Variants in XG observed in about 807,000 individuals in gnomAD.
The protein encoded by XG is glycoprotein Xg.
XG carries 24 observed loss-of-function variants against 25.7 expected under a neutral mutation model. That is an observed-to-expected ratio of 0.93 (90% CI 0.68 to 1.31). The LOEUF (loss-of-function observed/expected upper bound fraction) is 1.31. Among genes scored for constraint, XG ranks in the 40% most tolerant of loss-of-function variants. The pLI, the probability that XG is intolerant of heterozygous loss-of-function variation, is 0.00. For missense variants in XG, 181 were observed against 187.6 expected (o/e 0.96, Z 0.21); for synonymous variants, 77 against 69.2 (o/e 1.11, Z -0.56).
intron 1 of XG, among the ~76,000 whole-genome samples, chrX:2,757,836 G>GT (rs2050467735): frequency 6.6e-6 from 1 of 151,374 alleles, no homozygotes; most frequent in East Asian, 1.9e-4. Flanking sequence ...GCCAGGCATG[G>GT]TGGGGGGTGT....
chrX:2,752,815 C>A (rs2050362708), intron 1 of XG: 2 of 590,994 alleles, frequency 3.4e-6, no homozygotes, highest in African/African-American at 2.0e-5. Flanking sequence ...ATTTTTAAAT[C>A]TTTTCCTAAA....
At chrX:2,800,398 A>G (rs1275156687) in intron 7 of XG, among the ~76,000 whole-genome samples, 1 of 112,227 alleles carries the variant, frequency 8.9e-6, no homozygotes, top group African/African-American at 3.2e-5. Flanking sequence ...ACAGATGCCA[A>G]TTTCCCCACC....
intron 10 of XG, among the ~76,000 whole-genome samples, chrX:2,812,289 C>G (rs1261368559): frequency 8.9e-6 from 1 of 111,746 alleles, no homozygotes; most frequent in East Asian, 2.8e-4. Flanking sequence ...GCCGGCTCCA[C>G]ACTCCTGGGT....
intron 5 of XG, among the ~76,000 whole-genome samples, chrX:2,790,465 A>C (rs1190675458): frequency 1.0e-5 from 1 of 98,954 alleles, no homozygotes; most frequent in Admixed American, 1.2e-4. Context: ...ACGCCACAGC[A>C]CTCCAGCCTG....
At chrX:2,753,421 T>C (rs1427033369) in intron 1 of XG, among the ~76,000 whole-genome samples, 2 of 152,178 alleles carry the variant, frequency 1.3e-5, no homozygotes, top group African/African-American at 4.8e-5. Context: ...CCATATCCCC[T>C]TGGGCAAATC....
chrX:2,774,009 C>T (rs1049910579), intron 2 of XG, among the ~76,000 whole-genome samples: 1 of 149,546 alleles, frequency 6.7e-6, no homozygotes, highest in African/African-American at 2.5e-5. Flanking sequence ...ATGTCCGCAC[C>T]ACACACAAAC....
chrX:2,772,343 A>T (rs1364596436), intron 2 of XG, among the ~76,000 whole-genome samples: 1 of 152,204 alleles, frequency 6.6e-6, no homozygotes, highest in Non-Finnish European at 1.5e-5. Context: ...TGAATGAATG[A>T]ACAGAATGTG....
chrX:2,791,938 G>A (rs2086840981), intron 5 of XG, among the ~76,000 whole-genome samples: 1 of 110,517 alleles, frequency 9.0e-6, no homozygotes, highest in African/African-American at 3.3e-5. Context: ...CATAGCATTC[G>A]TCCACCAAGA....
intron 1 of XG, among the ~76,000 whole-genome samples, chrX:2,755,985 CAT>C (rs1263533990): frequency 6.6e-6 from 1 of 152,184 alleles, no homozygotes; most frequent in African/African-American, 2.4e-5. Context: ...CACCATGGCA[CAT>C]GTTTACCTAT....
At chrX:2,752,738 G>T (rs944433283) in intron 1 of XG, among the ~76,000 whole-genome samples, 1 of 152,194 alleles carries the variant, frequency 6.6e-6, no homozygotes, top group Admixed American at 6.5e-5. Flanking sequence ...AAGTAGAGTT[G>T]AAACTACTTC....
chrX:2,766,180 T>C (rs757085702), intron 1 of XG, among the ~76,000 whole-genome samples: 2 of 152,280 alleles, frequency 1.3e-5, no homozygotes, highest in East Asian at 3.9e-4. Context: ...CTCACTCTGT[T>C]GCCAGGCTGG....
intron 1 of XG, among the ~76,000 whole-genome samples, chrX:2,757,831 G>C (rs1180568271): frequency 1.3e-5 from 2 of 151,422 alleles, no homozygotes; most frequent in Non-Finnish European, 2.9e-5. Flanking sequence ...AATTAGCCAG[G>C]CATGGTGGGG....
At position 2,801,841 on chromosome X, in the gene XG, T is replaced by TG. The variant is rs977074981; in HGVS notation, c.373+4484dup. Among the ~76,000 whole-genome samples the TG allele has an allele frequency of 2.5e-3, 280 of 111,170 alleles. 3 individuals carry two copies. Among genetic ancestry groups the TG allele is most frequent in the African/African-American group, 8.7e-3 (266 of 30,473 alleles). On this transcript the variant is annotated intron_variant, in intron 7 of 10. Coordinates refer to ENST00000644266, the MANE Select transcript of XG (RefSeq NM_001141919.2). ...CTCCTGCCTCAGCCTCCCGAGTAGC[T>TG]GGGACTACAGGCGCCCGCCACCACG...
chrX:2,808,078 A>G (rs750396724), intron 8 of XG, 107 bp from the exon 9 acceptor site: 533 of 881,066 alleles, frequency 6.0e-4, no homozygotes, highest in South Asian at 7.2e-4. Flanking sequence ...CCCTGAAAAC[A>G]GGGATCTGTG....
At chrX:2,765,041 C>CAAAAA (rs1219282861) in intron 1 of XG, among the ~76,000 whole-genome samples, 8 of 36,606 alleles carry the variant, frequency 2.2e-4, no homozygotes, top group African/African-American at 8.5e-4. Flanking sequence ...ATTCTTTATC[C>CAAAAA]AAAAAAAAAA....
intron 7 of XG, among the ~76,000 whole-genome samples, chrX:2,801,102 C>T (rs1226049668): frequency 9.0e-6 from 1 of 110,823 alleles, no homozygotes; most frequent in Non-Finnish European, 1.9e-5. Flanking sequence ...TACCTACTAC[C>T]TAGGTAGACC....
intron 3 of XG, among the ~76,000 whole-genome samples, chrX:2,776,818 G>T (rs1309057069): frequency 6.6e-6 from 1 of 151,970 alleles, no homozygotes; most frequent in Non-Finnish European, 1.5e-5. Flanking sequence ...CTGCACTCCA[G>T]CCTGGGCGAC....
chrX:2,800,653 A>AG (rs1368433214), intron 7 of XG, among the ~76,000 whole-genome samples: 1 of 111,276 alleles, frequency 9.0e-6, no homozygotes, highest in African/African-American at 3.3e-5. Flanking sequence ...TCAGGATGGG[A>AG]GGGGGCTCAT....
At chrX:2,789,788 CTT>C in intron 5 of XG, 82 bp downstream of exon 5, 3 of 359,528 alleles carry the variant, frequency 8.3e-6, no homozygotes, top group Non-Finnish European at 1.2e-5. Flanking sequence ...TGTTATTTTA[CTT>C]TATTTTACCA....
Sources: gnomAD v4.1 joint callset for allele counts (sites outside exome capture counted in the v4.1 genomes callset) on GRCh38, gnomAD v4.1.1 for gene constraint, MANE v1.5 for transcripts, NCBI Gene and HGNC (gene_info 2026-07-23, HGNC 2026-07-21) for gene names.